Variants in RTF1 observed in about 807,000 individuals in gnomAD.
RTF1 encodes RNA polymerase-associated protein RTF1 homolog.
In RTF1, 10 loss-of-function variants were observed where a neutral mutation model predicts 95.7. The ratio of observed to expected loss-of-function variants is 0.10; its 90% confidence interval spans 0.06 to 0.18. The LOEUF is 0.18. RTF1 is among the 10% of genes least tolerant of loss of function. The pLI is 1.00. For synonymous variants in RTF1, 305 were observed against 311.8 expected (o/e 0.98, Z 0.23); for missense variants, 458 against 875.6 (o/e 0.52, Z 6.02).
At chr15:41,436,323 G>A (rs925984453) in intron 1 of RTF1, among the ~76,000 whole-genome samples, 1 of 151,248 alleles carries the variant, frequency 6.6e-6, no homozygotes, top group Non-Finnish European at 1.5e-5. Flanking sequence ...AGCTGGGCTT[G>A]GCTGGCACCG....
intron 2 of RTF1, among the ~76,000 whole-genome samples, chr15:41,445,939 T>C (rs998194241): frequency 6.6e-6 from 1 of 152,100 alleles, no homozygotes; most frequent in Non-Finnish European, 1.5e-5. Context: ...GGTTTCACTA[T>C]GTTGGCCAGG....
intron 1 of RTF1, among the ~76,000 whole-genome samples, chr15:41,420,243 C>T (rs2050593718): frequency 6.6e-6 from 1 of 152,144 alleles, no homozygotes; most frequent in African/African-American, 2.4e-5. Context: ...TTCTTATTTG[C>T]ATTCTTGTTA....
At chr15:41,450,383 C>T (rs963793563) in intron 2 of RTF1, among the ~76,000 whole-genome samples, 4 of 149,370 alleles carry the variant, frequency 2.7e-5, no homozygotes, top group Non-Finnish European at 4.5e-5. Context: ...GTTGGGAGTT[C>T]GAGACCAGCC....
At position 41,480,671 on chromosome 15, in the gene RTF1, G is replaced by A; in HGVS notation, c.2117G>A (p.Arg706Gln). 1 of 1,613,502 alleles carries A rather than the reference G, an allele frequency of 6.2e-7. No individual in the cohort carries two copies. Among genetic ancestry groups the A allele is most frequent in the Non-Finnish European group, 8.5e-7 (1 of 1,179,414 alleles). ...CTGAACTTGGAAGACTACAAAAAAC[G>A]ACGAGGGCTTATTTGAGCACACCCA... ...RSLNLEDYKK[R>Q]RGLI is the part of the protein sequence containing the mutation. Residue 706 changes from arginine to glutamine, a missense_variant, in exon 18 of 18, where the codon CGA becomes CAA. By Grantham distance (43) the Arg-to-Gln change is conservative. Around this residue, in one of 11 missense-constraint regions of RTF1, gnomAD observed 50 missense variants for 100.0 expected, o/e 0.50. Transcript: ENST00000389629.
intron 1 of RTF1, among the ~76,000 whole-genome samples, chr15:41,433,736 CAAAGT>C (rs1337912195): frequency 4.6e-5 from 7 of 151,790 alleles, no homozygotes; most frequent in Non-Finnish European, 7.4e-5. Context: ...GGTATTTACT[CAAAGT>C]GAAGTAAAAA....
chr15:41,421,667 A>G lies in RTF1; in HGVS notation c.198+4354A>G, dbSNP rs138528777. ...AAAAAAAGGCACTTGTATAACTAAAAGAACTTGACAGGGAGGTTTTAAGAT... is the reference window on the plus strand; with the variant it reads ...AAAAAAAGGCACTTGTATAACTAAAGGAACTTGACAGGGAGGTTTTAAGAT... On this transcript the variant is annotated intron_variant, in intron 1 of 17. Transcript: ENST00000389629. Among the ~76,000 whole-genome samples the G allele has an allele frequency of 4.3e-4, 65 of 149,978 alleles. No individual in the cohort carries two copies. The East Asian group carries it at 0.011, about 26-fold the overall frequency.
chr15:41,470,487 T>C (rs1471360076), intron 7 of RTF1, 95 bp downstream of exon 7: 14 of 1,300,064 alleles, frequency 1.1e-5, no homozygotes, highest in Admixed American at 1.8e-5. Flanking sequence ...GTTGGGCCAC[T>C]AACTCTGACA....
chr15:41,453,193 C>T, intron 3 of RTF1, 145 bp downstream of exon 3: 1 of 587,930 alleles, frequency 1.7e-6, no homozygotes, highest in Non-Finnish European at 2.7e-6. Context: ...TTTCCATGGT[C>T]ATGGATGCTT....
At chr15:41,470,681 C>T (rs76989508) in intron 7 of RTF1, among the ~76,000 whole-genome samples, 6,365 of 103,886 alleles carry the variant, frequency 0.061, 188 homozygotes, top group East Asian at 0.2. Flanking sequence ...TTTTTTGAGA[C>T]GGAGTCTCGC....
chr15:41,444,938 A>T (rs1050843589), intron 2 of RTF1, among the ~76,000 whole-genome samples: 6 of 151,178 alleles, frequency 4.0e-5, no homozygotes, highest in African/African-American at 9.7e-5. Context: ...TTATTTATTT[A>T]TTTATTTTTT....
chr15:41,472,785 TCTGGCTCCCAGG>T (rs2050920131), intron 8 of RTF1, among the ~76,000 whole-genome samples: 1 of 149,846 alleles, frequency 6.7e-6, no homozygotes, highest in Non-Finnish European at 1.5e-5. Flanking sequence ...CACTGCAAAC[TCTGGCTCCCAGG>T]TTCACGCCAT....
rs139619519 is a variant in RTF1, at chr15:41,466,175, G to A, written c.812G>A (p.Arg271Gln). Residue 271 changes from arginine (R) to glutamine (Q), a missense_variant, in exon 6 of 18, where the codon CGG (arginine) becomes CAG (glutamine). Around this residue, in one of 11 missense-constraint regions of RTF1, gnomAD observed 39 missense variants for 43.8 expected, o/e 0.89. Transcript: ENST00000389629. ...TSHNKERRSK[R>Q]DEKLDKKSQA... ...CACAACAAGGAACGGCGTTCCAAGCGGGATGAGAAACTAGACAAGAAATCT... is the reference window on the plus strand; with the variant it reads ...CACAACAAGGAACGGCGTTCCAAGCAGGATGAGAAACTAGACAAGAAATCT... 2.3e-5 allele frequency: 36 copies of A among 1,591,734 alleles called. No individual in the cohort carries two copies. The highest frequency in any genetic ancestry group is 3.0e-5 in the Non-Finnish European group (35 of 1,170,026).
At chr15:41,460,851 T>C (rs981540806) in intron 4 of RTF1, among the ~76,000 whole-genome samples, 8 of 151,124 alleles carry the variant, frequency 5.3e-5, no homozygotes, top group Non-Finnish European at 1.0e-4. Context: ...TAGGCTACCA[T>C]GCCTGGCTAA....
intron 4 of RTF1, among the ~76,000 whole-genome samples, chr15:41,458,789 A>T (rs1000118948): frequency 1.3e-5 from 2 of 151,832 alleles, no homozygotes; most frequent in African/African-American, 4.8e-5. Flanking sequence ...AAGGAATTAC[A>T]GGCCAAGTGT....
intron 1 of RTF1, among the ~76,000 whole-genome samples, chr15:41,419,798 A>G (rs892534083): frequency 6.6e-5 from 10 of 152,290 alleles, no homozygotes; most frequent in Non-Finnish European, 1.0e-4. Context: ...TCAAAGTGGG[A>G]ACTGCAGAGA....
intron 1 of RTF1, among the ~76,000 whole-genome samples, chr15:41,423,458 C>T (rs112542158): frequency 0.027 from 4,133 of 151,970 alleles, 77 homozygotes; most frequent in Middle Eastern, 0.082. Context: ...GTAGCCTCCG[C>T]CTCTAGGTTC....
At chr15:41,426,789 G>C (rs1216410256) in intron 1 of RTF1, among the ~76,000 whole-genome samples, 1 of 124,834 alleles carries the variant, frequency 8.0e-6, no homozygotes, top group African/African-American at 3.1e-5. Context: ...ATATGTGTGT[G>C]TGTGTGTGTG....
chr15:41,474,964 C>A (rs755331546), intron 9 of RTF1, among the ~76,000 whole-genome samples: 36 of 152,290 alleles, frequency 2.4e-4, no homozygotes, highest in Admixed American at 1.8e-3. Flanking sequence ...CCTCCCAGAG[C>A]CTCGCTGGCA....
intron 2 of RTF1, 54 bp downstream of exon 2, chr15:41,438,485 C>A: frequency 2.5e-6 from 3 of 1,189,568 alleles, no homozygotes; most frequent in South Asian, 1.4e-5. Context: ...AGGCTCCTCG[C>A]TTTGGTGGCT....
Sources: allele counts gnomAD v4.1 joint callset (sites outside exome capture counted in the v4.1 genomes callset), GRCh38; gene constraint gnomAD v4.1.1; regional missense constraint gnomAD v4.1.1; transcripts MANE v1.5; gene names NCBI Gene and HGNC (gene_info 2026-07-23, HGNC 2026-07-21).